SOX5: variants seen among roughly 807,000 people sequenced by gnomAD.
SOX5 encodes the protein transcription factor SOX-5.
SOX5 carries 9 observed loss-of-function variants against 92.0 expected under a neutral mutation model. That is an observed-to-expected ratio of 0.10 (90% CI 0.06 to 0.17). The LOEUF is 0.17. SOX5 is among the 10% of genes least tolerant of loss of function. SOX5 has a pLI of 1.00. For missense variants in SOX5, 642 were observed against 944.5 expected (o/e 0.68, Z 4.20); for synonymous variants, 344 against 336.3 (o/e 1.02, Z -0.25).
intron 3 of SOX5, among the ~76,000 whole-genome samples, chr12:24,232,576 C>T (rs190381184): frequency 3.3e-5 from 5 of 152,312 alleles, no homozygotes; most frequent in African/African-American, 1.2e-4. Flanking sequence ...TGCCCCAGGA[C>T]AGGAAGGCAG....
intron 4 of SOX5, among the ~76,000 whole-genome samples, chr12:24,096,253 G>A (rs1945401566): frequency 6.6e-6 from 1 of 152,088 alleles, no homozygotes; most frequent in African/African-American, 2.4e-5. Context: ...TTCTCCTAGT[G>A]CTATACCTCC....
chr12:24,508,011 G>C (rs1948963934), intron 1 of SOX5, among the ~76,000 whole-genome samples: 1 of 152,118 alleles, frequency 6.6e-6, no homozygotes, highest in South Asian at 2.1e-4. Context: ...GGCAAAGTAT[G>C]ATGTCATCGG....
chr12:24,129,421 C>CT (rs1161789147), intron 4 of SOX5, among the ~76,000 whole-genome samples: 2 of 152,132 alleles, frequency 1.3e-5, no homozygotes, highest in African/African-American at 4.8e-5. Flanking sequence ...ATCAAAACCC[C>CT]TTTTCTTTGG....
At chr12:23,545,045 A>G (rs1250248102) in intron 12 of SOX5, among the ~76,000 whole-genome samples, 1 of 152,250 alleles carries the variant, frequency 6.6e-6, no homozygotes, top group African/African-American at 2.4e-5. Flanking sequence ...TAGACCCAGA[A>G]AAATGCAAAT....
At chr12:23,995,705 A>T (rs1272708939) in intron 4 of SOX5, among the ~76,000 whole-genome samples, 1 of 152,120 alleles carries the variant, frequency 6.6e-6, no homozygotes, top group Admixed American at 6.6e-5. Context: ...CAATTACAAA[A>T]ATTTTTTTGA....
intron 4 of SOX5, among the ~76,000 whole-genome samples, chr12:24,125,464 C>T (rs567682964): frequency 1.4e-4 from 22 of 152,256 alleles, no homozygotes; most frequent in Admixed American, 1.2e-3. Context: ...TGTGGTAATA[C>T]ATTGCTAAGA....
At chr12:24,171,475 G>A (rs987621093) in intron 4 of SOX5, among the ~76,000 whole-genome samples, 3 of 151,990 alleles carry the variant, frequency 2.0e-5, no homozygotes, top group East Asian at 3.9e-4. Flanking sequence ...CACCCGCCTC[G>A]GCTTCCCAAA....
intron 3 of SOX5, among the ~76,000 whole-genome samples, chr12:23,781,586 TAAAATA>T (rs2095280473): frequency 6.6e-6 from 1 of 152,018 alleles, no homozygotes; most frequent in African/African-American, 2.4e-5. Context: ...GGTAGACTAT[TAAAATA>T]AATAACAAAA....
At chr12:23,861,740 A>C (rs1249523175) in intron 2 of SOX5, among the ~76,000 whole-genome samples, 1 of 152,222 alleles carries the variant, frequency 6.6e-6, no homozygotes, top group Non-Finnish European at 1.5e-5. Flanking sequence ...TCTCAAACTT[A>C]CTGAGTCTCA....
intron 5 of SOX5, among the ~76,000 whole-genome samples, chr12:23,737,466 G>T (rs1293321051): frequency 6.6e-6 from 1 of 152,094 alleles, no homozygotes; most frequent in African/African-American, 2.4e-5. Flanking sequence ...CTTGAATCTG[G>T]GAGGTGGAGG....
chr12:24,007,793 GCACACACACA>G (rs66700500), intron 4 of SOX5, among the ~76,000 whole-genome samples: 6 of 34,818 alleles, frequency 1.7e-4, no homozygotes, highest in South Asian at 2.1e-3. Context: ...ACATACGCAC[GCACACACACA>G]CACACACACA....
At chr12:24,463,449 A>G (rs1484991914) in intron 1 of SOX5, among the ~76,000 whole-genome samples, 3 of 152,164 alleles carry the variant, frequency 2.0e-5, no homozygotes, top group East Asian at 1.9e-4. Context: ...AAAAGTTACT[A>G]TGTTGTATTT....
chr12:23,820,048 C>T (rs1191025076), intron 3 of SOX5, among the ~76,000 whole-genome samples: 1 of 152,232 alleles, frequency 6.6e-6, no homozygotes, highest in South Asian at 2.1e-4. Context: ...CTCCCACCAA[C>T]AGTATAAAAG....
chr12:24,506,511 T>C (rs1948761649), intron 1 of SOX5, among the ~76,000 whole-genome samples: 1 of 151,902 alleles, frequency 6.6e-6, no homozygotes, highest in African/African-American at 2.4e-5. Flanking sequence ...TTGCTTTAGG[T>C]CCAATCATGC....
At chr12:23,965,596 T>C (rs912859589) in intron 4 of SOX5, among the ~76,000 whole-genome samples, 4 of 152,060 alleles carry the variant, frequency 2.6e-5, no homozygotes, top group African/African-American at 7.2e-5. Flanking sequence ...AACATTTCAT[T>C]GTTTTCTGTT....
intron 2 of SOX5, among the ~76,000 whole-genome samples, chr12:24,320,112 G>A (rs953839283): frequency 6.6e-6 from 1 of 152,128 alleles, no homozygotes; most frequent in Non-Finnish European, 1.5e-5. Context: ...AGATGGCCAT[G>A]TAAACATACA....
intron 1 of SOX5, among the ~76,000 whole-genome samples, chr12:24,378,306 C>A (rs2136329986): frequency 6.6e-6 from 1 of 152,320 alleles, no homozygotes; most frequent in East Asian, 1.9e-4. Flanking sequence ...ACCAAATGAA[C>A]AATGTACAAT....
At position 23,530,867 on chromosome 12, in the gene SOX5, TA is replaced by T. The variant is rs542544271; in HGVS notation, c.*3351del. 1 of 108,272 alleles carries T rather than the reference TA, an allele frequency of 9.2e-6. No individual in the cohort carries two copies. Among genetic ancestry groups the T allele is most frequent in the Non-Finnish European group, 2.1e-5 (1 of 48,110 alleles). The allele number at this position is 108,272 out of a possible 1,614,324, so 6.7% of individuals were successfully genotyped here. On this transcript the variant is annotated 3_prime_UTR_variant, in exon 15 of 15. Transcript: ENST00000451604. Reference sequence around the variant, plus strand: ...AGAGAGAGAGAGAAAGGGAAAGAGATAAAGTGTGAACAGATAGGTAAGAAAG... The same window carrying T: ...AGAGAGAGAGAGAAAGGGAAAGAGATAAGTGTGAACAGATAGGTAAGAAAG...
At chr12:24,244,156 G>A (rs1237152247) in intron 3 of SOX5, among the ~76,000 whole-genome samples, 1 of 151,968 alleles carries the variant, frequency 6.6e-6, no homozygotes, top group Non-Finnish European at 1.5e-5. Context: ...TTACCACTTT[G>A]CTTATCGTAC....
Sources: gnomAD v4.1 joint callset for allele counts (sites outside exome capture counted in the v4.1 genomes callset) on GRCh38, gnomAD v4.1.1 for gene constraint, MANE v1.5 for transcripts, NCBI Gene and HGNC (gene_info 2026-07-23, HGNC 2026-07-21) for gene names.